The following DNTTIP2 variants were observed in gnomAD, a reference collection of about 807,000 sequenced individuals.
The protein encoded by DNTTIP2 is deoxynucleotidyltransferase terminal interacting protein 2.
A neutral mutation model predicts 62.4 loss-of-function variants in DNTTIP2; 47 were observed. The ratio of observed to expected loss-of-function variants is 0.75; its 90% CI spans 0.60 to 0.96. DNTTIP2 has a LOEUF of 0.96. Ranked by LOEUF, DNTTIP2 falls within the 40% of genes least tolerant of loss-of-function variation. The probability of loss-of-function intolerance (pLI) is 0.00; values close to 1 mark genes in which losing one functional copy is unlikely to be tolerated. For missense variants in DNTTIP2, 870 were observed against 849.1 expected (o/e 1.02, Z -0.31); for synonymous variants, 322 against 300.9 (o/e 1.07, Z -0.73).
In DNTTIP2 at chr1:93,867,230, G is replaced by GT. The variant is rs111264681; in HGVS notation, c.*2620dup. ...GAAATCTTTCAAGATCTTCTCAGGG[G>GT]TATCTTGAAGGTCTCTTTCACCAGC... On this transcript the variant is annotated 3_prime_UTR_variant, in exon 7 of 7. Transcript: ENST00000436063. The GT allele has an allele frequency of 2.0e-4, 30 of 151,760 alleles. No individual in the cohort carries two copies. The highest frequency in any genetic ancestry group is 7.0e-4 in the African/African-American group (29 of 41,318). The allele number at this position is 151,760 out of a possible 1,614,324, so 9.4% of individuals were successfully genotyped here. A position where few individuals can be genotyped will look rare whatever the true frequency, so the allele number is the denominator to read the frequency against.
At chr1:93,872,531 T>C (rs1177002272) in intron 4 of DNTTIP2, among the ~76,000 whole-genome samples, 1 of 152,152 alleles carries the variant, frequency 6.6e-6, no homozygotes, top group Non-Finnish European at 1.5e-5. Context: ...CAACTTCAAT[T>C]TTTATTGTCT....
intron 1 of DNTTIP2, chr1:93,878,805 T>C (rs1656081130): frequency 4.8e-6 from 2 of 416,674 alleles, no homozygotes; most frequent in East Asian, 4.3e-5. Flanking sequence ...GGTTTAAAAG[T>C]TCGAACTGTG....
In DNTTIP2 at chr1:93,872,111, G is replaced by A; in HGVS notation, c.2028C>T (p.Tyr676=). The A allele has an allele frequency of 6.2e-7, 1 of 1,613,666 alleles. No individual in the cohort carries two copies. The highest frequency in any genetic ancestry group is 8.5e-7 in the Non-Finnish European group (1 of 1,179,734). The change falls in exon 5 of 7, where the codon TAC becomes TAT. Residue 676 remains tyrosine (Y), a synonymous_variant. Transcript: ENST00000436063. The stretch of plus-strand genomic sequence containing the variant: ...GGAAGCCATCTCTATCATTTTTCTT[G>A]TAAAATCTTTTCGGGTCCATGCTGG... ...MRASMDPKRF[Y]KKNDRDGFPK...
chr1:93,872,690 A>AAT (rs1427448236), intron 4 of DNTTIP2, among the ~76,000 whole-genome samples: 1 of 152,180 alleles, frequency 6.6e-6, no homozygotes, highest in Non-Finnish European at 1.5e-5. Flanking sequence ...AATAAAACAA[A>AAT]ATACTATTCT....
rs2100880426 is a variant in DNTTIP2 at position 93,868,582 on chromosome 1, G to T, written c.*1269C>A. On this transcript the variant is annotated 3_prime_UTR_variant, in exon 7 of 7. Transcript: ENST00000436063. ...CTGTGGCACTGTTCACAATAGAAAA[G>T]ACTTGGAACCAACCCAAATGCCCAT... 6.6e-6 allele frequency: 1 copy of T among 152,306 alleles called. No homozygotes were observed. The highest frequency in any genetic ancestry group is 2.1e-4 in the South Asian group (1 of 4,826). The allele number at this position is 152,306 out of a possible 1,614,324, so 9.4% of individuals were successfully genotyped here. A position where few individuals can be genotyped will look rare whatever the true frequency, so the allele number is the denominator to read the frequency against.
Position 93,869,656 on chromosome 1 carries a change from G to A in DNTTIP2, c.*195C>T. 2.0e-6 allele frequency: 1 copy of A among 506,558 alleles called. No individual in the cohort carries two copies. The allele number at this position is 506,558 out of a possible 1,614,324, so 31.4% of individuals were successfully genotyped here. A position where few individuals can be genotyped will look rare whatever the true frequency, so the allele number is the denominator to read the frequency against. ...TTTTCCCATAAAGAGTCTACACCAGGGTGGGTCTTTTAGACACCCCTATTT... is the reference window on the plus strand; with the variant it reads ...TTTTCCCATAAAGAGTCTACACCAGAGTGGGTCTTTTAGACACCCCTATTT... On this transcript the variant is annotated 3_prime_UTR_variant, in exon 7 of 7. Transcript: ENST00000436063.
At chr1:93,875,014 G>C (rs570355592) in intron 3 of DNTTIP2, among the ~76,000 whole-genome samples, 1 of 152,166 alleles carries the variant, frequency 6.6e-6, no homozygotes, top group South Asian at 2.1e-4. Flanking sequence ...GGTTTCATTA[G>C]CCAGAAAAAA....
Position 93,879,118 on chromosome 1 carries a change from C to T in DNTTIP2, c.31G>A (p.Ala11Thr), listed in dbSNP as rs1656092127. 6.2e-7 allele frequency: 1 copy of T among 1,613,658 alleles called. No individual in the cohort carries two copies. The highest frequency in any genetic ancestry group is 8.5e-7 in the Non-Finnish European group (1 of 1,179,870). The change falls in exon 1 of 7, where the codon GCC (alanine) becomes ACC (threonine). Residue 11 changes from alanine to threonine, a missense_variant. Ala to Thr is a moderately conservative substitution (Grantham distance 58). Coordinates refer to ENST00000436063, the MANE Select transcript of DNTTIP2 (RefSeq NM_014597.5). MVVTRSARAK[A>T]SIQAASAESS... The stretch of plus-strand genomic sequence containing the variant: ...TCAGCCGACGCGGCTTGGATGCTGG[C>T]CTTAGCCCGTGCAGATCTGGTAACC...
In DNTTIP2 at chr1:93,876,631, T is replaced by G; in HGVS notation, c.1304A>C (p.Gln435Pro). 4 of 1,613,602 alleles carry G rather than the reference T, an allele frequency of 2.5e-6. No homozygotes were observed. The highest frequency in any genetic ancestry group is 1.1e-5 in the South Asian group (1 of 91,084). The change falls in exon 2 of 7, where the codon CAG becomes CCG. Residue 435 changes from glutamine to proline, a missense_variant. By Grantham distance (76) the Gln-to-Pro change is moderately conservative (BLOSUM62 -1). Transcript: ENST00000436063. The part of the protein sequence containing the change: ...KLYTSAPNTS[Q>P]GKDNSVLLVL... ...TAGTAAGACAGAATTATCTTTACCCTGAGATGTGTTGGGCGCAGACGTGTA... is the reference window on the plus strand; with the variant it reads ...TAGTAAGACAGAATTATCTTTACCCGGAGATGTGTTGGGCGCAGACGTGTA...
Position 93,873,171 on chromosome 1 carries a change from T to C in DNTTIP2, c.1850A>G (p.His617Arg), listed in dbSNP as rs752217596. 3.7e-6 allele frequency: 6 copies of C among 1,613,030 alleles called. No individual in the cohort carries two copies. The African/African-American group carries it at 8.0e-5, about 22-fold the overall frequency. ...TGATTCACTATATGGTGGAACACAG[T>C]GGTTTTTTTCAAAATCAGGTGTAAT... ...AVITPDFEKN[H>R]CVPPYSESKY... The change falls in exon 4 of 7, where the codon CAC (histidine) becomes CGC (arginine). Residue 617 changes from histidine to arginine, a missense_variant. Physicochemically the swap from His to Arg is conservative, Grantham distance 29. Coordinates refer to ENST00000436063, the MANE Select transcript of DNTTIP2 (RefSeq NM_014597.5).
chr1:93,877,639 T>C lies in DNTTIP2; in HGVS notation c.296A>G (p.His99Arg). 1 of 1,614,026 alleles carries C rather than the reference T, an allele frequency of 6.2e-7. No individual in the cohort carries two copies. Among genetic ancestry groups the C allele is most frequent in the Non-Finnish European group, 8.5e-7 (1 of 1,179,890 alleles). The part of the protein sequence containing the change: ...EAESNYSVSE[H>R]HDTILRVTRR... ...AGTTACCCTTAAAATGGTATCATGG[T>C]GCTCAGACACAGAATAATTTGACTC... Residue 99 changes from histidine (H) to arginine (R), a missense_variant, in exon 2 of 7, where the codon CAC becomes CGC. Physicochemically the swap from His to Arg is conservative, Grantham distance 29. Transcript: ENST00000436063.
rs1655774266 is a variant in DNTTIP2 at position 93,868,538 on chromosome 1, A to G, written c.*1313T>C. On this transcript the variant is annotated 3_prime_UTR_variant, in exon 7 of 7. Transcript: ENST00000436063. ...TTATAAATCATTCTACTATAAAGACACATACACAAGTATGTTTACTGTGGC... is the reference window on the plus strand; with the variant it reads ...TTATAAATCATTCTACTATAAAGACGCATACACAAGTATGTTTACTGTGGC... 6.6e-6 allele frequency: 1 copy of G among 152,194 alleles called. No homozygotes were observed. Among genetic ancestry groups the G allele is most frequent in the African/African-American group, 2.4e-5 (1 of 41,454 alleles). 9.4% of individuals were successfully genotyped at this position (152,194 alleles called of 1,614,324 possible). A position where few individuals can be genotyped will look rare whatever the true frequency, so the allele number is the denominator to read the frequency against.
In DNTTIP2 at chr1:93,876,451, G is replaced by A; in HGVS notation, c.1484C>T (p.Pro495Leu). 6.2e-7 allele frequency: 1 copy of A among 1,613,770 alleles called. No individual in the cohort carries two copies. The highest frequency in any genetic ancestry group is 8.5e-7 in the Non-Finnish European group (1 of 1,179,850). ...AAAATTTTTATCAGCACTCATTCCAGGAGTTGTGTCAATTACAAACAATGC... is the reference window on the plus strand; with the variant it reads ...AAAATTTTTATCAGCACTCATTCCAAGAGTTGTGTCAATTACAAACAATGC... ...DNALFVIDTT[P>L]GMSADKNFYL... The change falls in exon 2 of 7, where the codon CCT becomes CTT. Residue 495 changes from proline (P) to leucine (L), a missense_variant. By Grantham distance (98) the Pro-to-Leu change is moderately conservative. Coordinates refer to ENST00000436063, the MANE Select transcript of DNTTIP2 (RefSeq NM_014597.5).
chr1:93,878,791 G>A (rs1458840153), intron 1 of DNTTIP2: 2 of 369,482 alleles, frequency 5.4e-6, no homozygotes, highest in African/African-American at 2.1e-5. Context: ...CGTGTTAACA[G>A]TAAGGTTTAA....
intron 1 of DNTTIP2, chr1:93,878,734 C>A (rs1055733262): frequency 7.2e-5 from 14 of 195,230 alleles, no homozygotes; most frequent in South Asian, 1.3e-4. Flanking sequence ...TCCAGCCCCC[C>A]TAAATGGGGC....
chr1:93,868,226 A>G lies in DNTTIP2; in HGVS notation c.*1625T>C, dbSNP rs1655768763. On this transcript the variant is annotated 3_prime_UTR_variant, in exon 7 of 7. Coordinates refer to ENST00000436063, the MANE Select transcript of DNTTIP2 (RefSeq NM_014597.5). ...ACTTCTCAAAAGAAGACATTTATGC[A>G]GCCAACAAACATGAAAAAACGCTCA... 4 of 152,248 alleles carry G rather than the reference A, an allele frequency of 2.6e-5. No homozygotes were observed. The South Asian group carries it at 8.3e-4, about 32-fold the overall frequency. 9.4% of individuals were successfully genotyped at this position (152,248 alleles called of 1,614,324 possible). A position where few individuals can be genotyped will look rare whatever the true frequency, so the allele number is the denominator to read the frequency against.
chr1:93,869,964 A>T lies in DNTTIP2; in HGVS notation c.2178-20T>A. On this transcript the variant is annotated intron_variant, in intron 6 of 6. Transcript: ENST00000436063. The stretch of plus-strand genomic sequence containing the variant: ...TTGTATCTGAAAAAGAAAAATCAGA[A>T]CTTTATGTTTGATATATCAGACATT... 1 of 772,732 alleles carries T rather than the reference A, an allele frequency of 1.3e-6. No homozygotes were observed. The highest frequency in any genetic ancestry group is 1.4e-5 in the South Asian group (1 of 73,242). The allele number at this position is 772,732 out of a possible 1,614,324, so 47.9% of individuals were successfully genotyped here.
Position 93,876,928 on chromosome 1 carries a change from G to T in DNTTIP2, c.1007C>A (p.Ser336Tyr). ...LQDTSLQQLV[S>Y]QRHSTPQNKN... is the part of the protein sequence containing the mutation. Reference sequence around the variant, plus strand: ...ATTTTGGGGGGTTGAATGTCTCTGAGAAACTAACTGTTGAAGGCTAGTGTC... The same window carrying T: ...ATTTTGGGGGGTTGAATGTCTCTGATAAACTAACTGTTGAAGGCTAGTGTC... The change falls in exon 2 of 7, where the codon TCT becomes TAT. Residue 336 changes from serine (S) to tyrosine (Y), a missense_variant. Coordinates refer to ENST00000436063, the MANE Select transcript of DNTTIP2 (RefSeq NM_014597.5). The T allele has an allele frequency of 6.2e-7, 1 of 1,613,702 alleles. No individual in the cohort carries two copies. Among genetic ancestry groups the T allele is most frequent in the Non-Finnish European group, 8.5e-7 (1 of 1,179,828 alleles).
Position 93,877,223 on chromosome 1 carries a change from C to A in DNTTIP2, c.712G>T (p.Asp238Tyr), listed in dbSNP as rs1218911244. Reference protein sequence around the residue: ...QIVGTPVNSEDSDTRQTSHLQ... With the variant: ...QIVGTPVNSEYSDTRQTSHLQ... ...TGGGAAGTTTGTCTGGTATCTGAAT[C>A]CTCTGAATTCACAGGTGTACCCACG... Residue 238 changes from aspartate (D) to tyrosine (Y), a missense_variant, in exon 2 of 7, where the codon GAT (aspartate) becomes TAT (tyrosine). Transcript: ENST00000436063. The A allele has an allele frequency of 3.1e-6, 5 of 1,613,902 alleles. No homozygotes were observed. In the South Asian group the frequency reaches 5.5e-5, roughly 18 times the overall value.
Sources: gnomAD v4.1 joint callset for allele counts (sites outside exome capture counted in the v4.1 genomes callset) on GRCh38, gnomAD v4.1.1 for gene constraint, MANE v1.5 for transcripts, NCBI Gene and HGNC (gene_info 2026-07-23, HGNC 2026-07-21) for gene names.